TSEN15: variants seen among roughly 807,000 people sequenced by gnomAD.
TSEN15 encodes tRNA splicing endonuclease subunit 15, also known as tRNA-splicing endonuclease subunit Sen15.
Under a neutral mutation model 20.5 loss-of-function variants are expected in TSEN15, and 10 were observed. The ratio of observed to expected loss-of-function variants is 0.49; its 90% confidence interval spans 0.30 to 0.83. The LOEUF (loss-of-function observed/expected upper bound fraction) is 0.83. Ranked by LOEUF, TSEN15 falls within the 40% of genes least tolerant of loss-of-function variation. TSEN15 has a pLI of 0.06. For missense variants in TSEN15, 180 were observed against 218.6 expected, an observed-to-expected ratio of 0.82 and a Z score of 1.11; for synonymous variants, 72 against 80.1, an observed-to-expected ratio of 0.90 and a Z score of 0.54.
chr1:184,077,186 C>T (rs1030348404), downstream of TSEN15, among the ~76,000 whole-genome samples: 2 of 152,022 alleles, frequency 1.3e-5, no homozygotes, highest in Non-Finnish European at 2.9e-5. Flanking sequence ...CAGCTGATGA[C>T]TAAATTAAAG....
intron 3 of TSEN15, among the ~76,000 whole-genome samples, chr1:184,067,794 C>T (rs1650724158): frequency 6.6e-6 from 1 of 151,298 alleles, no homozygotes. Context: ...TGGTGTGTGC[C>T]TGTAGTCCCA....
chr1:184,058,319 TAACTA>T (rs1650320134), intron 3 of TSEN15: 2 of 300,076 alleles, frequency 6.7e-6, no homozygotes, highest in Admixed American at 9.5e-5. Context: ...TAAATATTCT[TAACTA>T]TATTATACAG....
intron 3 of TSEN15, chr1:184,058,163 G>A: frequency 2.3e-6 from 1 of 425,800 alleles, no homozygotes; most frequent in Non-Finnish European, 4.7e-6. Context: ...TTTTCCAGGT[G>A]GTAATTAATG....
In TSEN15 at chr1:184,073,699, T is replaced by G. The variant is rs1650985989; in HGVS notation, c.*852T>G. ...TTAGTAGCCCAAATTATAAACCACTTTAAAGTTTGGGGTAAAGATTGGCAA... is the reference window on the plus strand; with the variant it reads ...TTAGTAGCCCAAATTATAAACCACTGTAAAGTTTGGGGTAAAGATTGGCAA... On this transcript the variant is annotated 3_prime_UTR_variant, in exon 5 of 5. Transcript: ENST00000645668. 6.6e-6 allele frequency: 1 copy of G among 152,630 alleles called. No individual in the cohort carries two copies. Among genetic ancestry groups the G allele is most frequent in the African/African-American group, 2.4e-5 (1 of 41,462 alleles). 9.5% of individuals were successfully genotyped at this position (152,630 alleles called of 1,614,324 possible).
At chr1:184,060,236 A>C (rs1650402167) in intron 3 of TSEN15, among the ~76,000 whole-genome samples, 1 of 152,238 alleles carries the variant, frequency 6.6e-6, no homozygotes, top group Admixed American at 6.5e-5. Context: ...GAACTTTTGA[A>C]CAGAACTACA....
intron 3 of TSEN15, chr1:184,095,631 T>TTCTCTCTCTCTCTCTATCTC (rs1651434958): frequency 2.6e-5 from 10 of 386,136 alleles, no homozygotes; most frequent in Non-Finnish European, 4.1e-5. Context: ...TCTCTCCCCC[T>TTCTCTCTCTCTCTCTATCTC]TCTCTCTCTC....
chr1:184,081,841 C>A (rs542412101), intron 3 of TSEN15, among the ~76,000 whole-genome samples: 2 of 152,084 alleles, frequency 1.3e-5, no homozygotes, highest in African/African-American at 4.8e-5. Flanking sequence ...GAAAGAAGAT[C>A]TTGTATGGAT....
At position 184,072,851 on chromosome 1, in the gene TSEN15, C is replaced by T; in HGVS notation, c.*4C>T. ...GAATATTTCTCTTAGAAGATGACAT[C>T]CATGTTTCCTGATGCTTGTTTTATT... On this transcript the variant is annotated 3_prime_UTR_variant, in exon 5 of 5. Coordinates refer to ENST00000645668, the MANE Select transcript of TSEN15 (RefSeq NM_052965.4). The T allele has an allele frequency of 6.2e-7, 1 of 1,604,412 alleles. No homozygotes were observed. Among genetic ancestry groups the T allele is most frequent in the Non-Finnish European group, 8.5e-7 (1 of 1,176,732 alleles).
chr1:184,057,627 A>C (rs1447070710), intron 3 of TSEN15, among the ~76,000 whole-genome samples: 1 of 152,166 alleles, frequency 6.6e-6, no homozygotes, highest in Non-Finnish European at 1.5e-5. Flanking sequence ...TTACCAGTAC[A>C]TGCAAGATCC....
In TSEN15 at chr1:184,073,950, T is replaced by A. The variant is rs1650998326; in HGVS notation, c.*1103T>A. The A allele has an allele frequency of 6.6e-6, 1 of 152,124 alleles. No homozygotes were observed. The highest frequency in any genetic ancestry group is 2.4e-5 in the African/African-American group (1 of 41,426). The allele number at this position is 152,124 out of a possible 1,614,324, so 9.4% of individuals were successfully genotyped here. On this transcript the variant is annotated 3_prime_UTR_variant, in exon 5 of 5. Coordinates refer to ENST00000645668, the MANE Select transcript of TSEN15 (RefSeq NM_052965.4). Reference sequence around the variant, plus strand: ...TCAATAAACAGATATATACAAATGATACATAATGTACTTATTAAAAATTAG... The same window carrying A: ...TCAATAAACAGATATATACAAATGAAACATAATGTACTTATTAAAAATTAG...
intron 3 of TSEN15, among the ~76,000 whole-genome samples, chr1:184,061,876 G>A (rs532509709): frequency 2.6e-5 from 4 of 152,098 alleles, no homozygotes; most frequent in Non-Finnish European, 5.9e-5. Flanking sequence ...GGGTGAATGT[G>A]TATTTGAATG....
At chr1:184,083,741 A>G (rs934360874) in intron 3 of TSEN15, among the ~76,000 whole-genome samples, 1 of 152,188 alleles carries the variant, frequency 6.6e-6, no homozygotes. Context: ...GTTTAGATAT[A>G]AATGAATAGA....
intron 3 of TSEN15, among the ~76,000 whole-genome samples, chr1:184,057,031 C>G (rs568362801): frequency 1.3e-5 from 2 of 152,198 alleles, no homozygotes; most frequent in East Asian, 3.9e-4. Context: ...GACCTGGACT[C>G]AGTGACTTCT....
At chr1:184,078,294 G>C (rs1398220840), downstream of TSEN15, among the ~76,000 whole-genome samples, 1 of 152,096 alleles carries the variant, frequency 6.6e-6, no homozygotes, top group Non-Finnish European at 1.5e-5. Context: ...TTGTTTTTTA[G>C]ACATGATGCC....
downstream of TSEN15, among the ~76,000 whole-genome samples, chr1:184,074,375 G>T (rs1651015270): frequency 6.6e-6 from 1 of 152,126 alleles, no homozygotes; most frequent in Non-Finnish European, 1.5e-5. Context: ...AAGGTGTTGG[G>T]CAGGGCTCCA....
chr1:184,076,734 A>G (rs373208418), downstream of TSEN15, among the ~76,000 whole-genome samples: 16 of 152,270 alleles, frequency 1.1e-4, no homozygotes, highest in African/African-American at 3.8e-4. Context: ...AAACAGCCTT[A>G]TTGTTGATAT....
intron 3 of TSEN15, among the ~76,000 whole-genome samples, chr1:184,085,017 G>GA (rs756905124): frequency 2.8e-4 from 42 of 152,088 alleles, no homozygotes; most frequent in Non-Finnish European, 4.9e-4. Context: ...CACTTTGGGG[G>GA]ATCCTTTAGG....
At chr1:184,074,413 G>A (rs144118399), downstream of TSEN15, among the ~76,000 whole-genome samples, 468 of 152,170 alleles carry the variant, frequency 3.1e-3, 2 homozygotes, top group African/African-American at 7.4e-3. Flanking sequence ...ACTGGGGAAG[G>A]GTCAGCTTTT....
At chr1:184,089,684 G>A (rs138395913) in intron 3 of TSEN15, among the ~76,000 whole-genome samples, 70 of 150,852 alleles carry the variant, frequency 4.6e-4, no homozygotes, top group African/African-American at 1.5e-3. Context: ...GATAGCATGC[G>A]GAAAAAACAG....
Sources: allele counts gnomAD v4.1 joint callset (sites outside exome capture counted in the v4.1 genomes callset), GRCh38; gene constraint gnomAD v4.1.1; transcripts MANE v1.5; gene names NCBI Gene and HGNC (gene_info 2026-07-23, HGNC 2026-07-21).